The following SP4 variants were observed in gnomAD, a reference collection of about 807,000 sequenced individuals.
The protein encoded by SP4 is Sp4 transcription factor, also known as transcription factor Sp4.
A neutral mutation model predicts 72.8 loss-of-function variants in SP4; 19 were observed. That is an observed-to-expected ratio of 0.26 (90% CI 0.18 to 0.38). The LOEUF (loss-of-function observed/expected upper bound fraction) is 0.38. Among genes scored for constraint, SP4 ranks in the 10% least tolerant of loss-of-function variants. SP4 has a pLI of 1.00. For synonymous variants in SP4, 395 were observed against 333.1 expected (o/e 1.19, Z -2.02); for missense variants, 1,008 against 926.3 (o/e 1.09, Z -1.14).
intron 5 of SP4, among the ~76,000 whole-genome samples, chr7:21,509,727 C>T (rs1456198087): frequency 2.6e-5 from 4 of 152,228 alleles, no homozygotes; most frequent in Admixed American, 6.5e-5. Flanking sequence ...GAATATCTGA[C>T]GTGGACCAAC....
intron 5 of SP4, among the ~76,000 whole-genome samples, chr7:21,495,220 A>G (rs564289405): frequency 1.3e-4 from 20 of 152,286 alleles, no homozygotes; most frequent in Non-Finnish European, 2.4e-4. Flanking sequence ...CATAAAAGAA[A>G]AAATCAGTAA....
At chr7:21,493,862 A>G (rs1298907812) in intron 5 of SP4, among the ~76,000 whole-genome samples, 1 of 152,194 alleles carries the variant, frequency 6.6e-6, no homozygotes, top group East Asian at 1.9e-4. Context: ...ACCAAAGAAA[A>G]AAACTTAGAC....
intron 3 of SP4, among the ~76,000 whole-genome samples, chr7:21,435,795 A>G (rs896922771): frequency 3.3e-5 from 5 of 152,078 alleles, no homozygotes; most frequent in Non-Finnish European, 7.4e-5. Flanking sequence ...TGATTTTTTC[A>G]TGGAAGATGA....
At chr7:21,507,813 C>G (rs984483015) in intron 5 of SP4, among the ~76,000 whole-genome samples, 4 of 152,070 alleles carry the variant, frequency 2.6e-5, no homozygotes, top group Non-Finnish European at 5.9e-5. Context: ...TCAGCACCCC[C>G]TACTGGAGGT....
At chr7:21,470,768 AAGC>A (rs1784312524) in intron 3 of SP4, among the ~76,000 whole-genome samples, 1 of 148,122 alleles carries the variant, frequency 6.8e-6, no homozygotes, top group Non-Finnish European at 1.5e-5. Flanking sequence ...AAAAAAAAAA[AAGC>A]AGAACAAAAA....
chr7:21,494,925 G>A (rs1785069637), intron 5 of SP4, among the ~76,000 whole-genome samples: 1 of 152,130 alleles, frequency 6.6e-6, no homozygotes. Flanking sequence ...ACATGGATAA[G>A]TAAGACAGAA....
chr7:21,465,915 A>G (rs538538934), intron 3 of SP4, among the ~76,000 whole-genome samples: 5 of 152,122 alleles, frequency 3.3e-5, no homozygotes, highest in East Asian at 3.9e-4. Flanking sequence ...TTCCAACCCT[A>G]TCTTTAGCCC....
Position 21,511,006 on chromosome 7 carries a change from C to T in SP4, c.2108-16C>T. 6.3e-7 allele frequency: 1 copy of T among 1,587,934 alleles called. No homozygotes were observed. Among genetic ancestry groups the T allele is most frequent in the Non-Finnish European group, 8.6e-7 (1 of 1,165,640 alleles). On this transcript the variant is annotated splice_polypyrimidine_tract_variant and intron_variant, in intron 5 of 5. Coordinates refer to ENST00000222584, the MANE Select transcript of SP4 (RefSeq NM_003112.5). ...AGCAAAATGTGTATAACGCCATTTA[C>T]TGTTTTTCTATGTAGGTGAAAAGAG...
intron 3 of SP4, among the ~76,000 whole-genome samples, chr7:21,456,786 A>G (rs536898055): frequency 6.6e-6 from 1 of 152,212 alleles, no homozygotes; most frequent in Non-Finnish European, 1.5e-5. Flanking sequence ...GCCGCCTGTC[A>G]GTGATATGTC....
At chr7:21,434,861 TGA>T (rs1782995245) in intron 3 of SP4, among the ~76,000 whole-genome samples, 1 of 151,984 alleles carries the variant, frequency 6.6e-6, no homozygotes, top group Non-Finnish European at 1.5e-5. Context: ...GTGAACGTGC[TGA>T]GTTTGACTTC....
intron 3 of SP4, among the ~76,000 whole-genome samples, chr7:21,458,353 T>C (rs6461567): frequency 0.77 from 117,048 of 152,086 alleles, 45,762 homozygotes; most frequent in African/African-American, 0.91. Context: ...CCATCATGCC[T>C]GGCTAATTTT....
intron 5 of SP4, among the ~76,000 whole-genome samples, chr7:21,487,030 C>T (rs1784832959): frequency 6.6e-6 from 1 of 152,060 alleles, no homozygotes; most frequent in Non-Finnish European, 1.5e-5. Context: ...TTCTTTGTAC[C>T]ACTTATACTT....
intron 3 of SP4, among the ~76,000 whole-genome samples, chr7:21,434,692 T>A (rs578143690): frequency 1.2e-4 from 18 of 151,810 alleles, no homozygotes; most frequent in Middle Eastern, 3.4e-3. Context: ...TCTGGGATTT[T>A]AGTGTACCCA....
At chr7:21,431,955 A>G (rs1173274189) in intron 3 of SP4, among the ~76,000 whole-genome samples, 1 of 152,234 alleles carries the variant, frequency 6.6e-6, no homozygotes, top group Non-Finnish European at 1.5e-5. Flanking sequence ...AAAATTGTAA[A>G]TTGCCAGATA....
At position 21,430,281 on chromosome 7, in the gene SP4, C is replaced by G; in HGVS notation, c.1116C>G (p.Ala372=). ...SQTPAATESE[A]QSSSQLQPNG... is the part of the protein sequence containing the mutation. ...CACCTGCTGCTACTGAGTCTGAAGC[C>G]CAGAGCTCCAGTCAGCTTCAGCCTA... The change falls in exon 3 of 6, where the codon GCC becomes GCG. Residue 372 remains alanine (A), a synonymous_variant. Transcript: ENST00000222584. The G allele has an allele frequency of 3.7e-6, 6 of 1,614,192 alleles. No individual in the cohort carries two copies. Among genetic ancestry groups the G allele is most frequent in the Non-Finnish European group, 5.1e-6 (6 of 1,180,034 alleles).
chr7:21,485,403 TTACTG>T (rs1393003858), intron 5 of SP4, among the ~76,000 whole-genome samples: 1 of 151,952 alleles, frequency 6.6e-6, no homozygotes, highest in African/African-American at 2.4e-5. Context: ...ACAGAAAAGT[TTACTG>T]TAATAAGGAG....
intron 5 of SP4, among the ~76,000 whole-genome samples, chr7:21,503,161 C>G (rs544029942): frequency 6.6e-6 from 1 of 152,190 alleles, no homozygotes; most frequent in South Asian, 2.1e-4. Context: ...AAGTGGTGAG[C>G]CATGAACTCA....
chr7:21,464,899 C>G (rs1459038725), intron 3 of SP4, among the ~76,000 whole-genome samples: 5 of 152,212 alleles, frequency 3.3e-5, no homozygotes, highest in African/African-American at 1.2e-4. Context: ...AGACTATTTA[C>G]AATTTCACAT....
chr7:21,451,390 G>GT (rs1383279322), intron 3 of SP4, among the ~76,000 whole-genome samples: 1 of 152,162 alleles, frequency 6.6e-6, no homozygotes, highest in African/African-American at 2.4e-5. Context: ...TGGTTGCGGG[G>GT]TTAGGGGGTG....
Sources: allele counts gnomAD v4.1 joint callset (sites outside exome capture counted in the v4.1 genomes callset), GRCh38; gene constraint gnomAD v4.1.1; transcripts MANE v1.5; gene names NCBI Gene and HGNC (gene_info 2026-07-23, HGNC 2026-07-21).